The following MRGPRX1 variants were observed in gnomAD, a reference collection of about 807,000 sequenced individuals.
The protein encoded by MRGPRX1 is mas-related G protein-coupled receptor member X1.
For synonymous variants in MRGPRX1, 208 were observed against 170.4 expected (o/e 1.22, Z -1.72); for missense variants, 411 against 393.8 (o/e 1.04, Z -0.37).
intron 1 of MRGPRX1, among the ~76,000 whole-genome samples, chr11:18,938,649 C>T (rs1285365147): frequency 6.6e-6 from 1 of 151,510 alleles, no homozygotes. Context: ...AAGGCTTCTC[C>T]ACCTGCCTGC....
At position 18,934,572 on chromosome 11, in the gene MRGPRX1, T is replaced by C. The variant is rs751093103; in HGVS notation, c.213A>G (p.Ala71=). 26 of 1,609,762 alleles carry C rather than the reference T, an allele frequency of 1.6e-5. No homozygotes were observed. In the South Asian group the frequency reaches 2.6e-4, roughly 16 times the overall value. Residue 71 remains alanine, a synonymous_variant, in exon 2 of 2, where the codon GCA becomes GCG. Transcript: ENST00000526914. ...FSIYILNLAA[A]DFLFLSGRLI... The stretch of plus-strand genomic sequence containing the variant: ...GGCGGCCGCTGAGGAAGAGGAAGTC[T>C]GCTGCGGCCAAGTTGAGGATGTAGA...
rs1402292602 is a variant in MRGPRX1 at position 18,933,777 on chromosome 11, T to C, written c.*39A>G. 6.4e-7 allele frequency: 1 copy of C among 1,564,284 alleles called. No individual in the cohort carries two copies. Among genetic ancestry groups the C allele is most frequent in the Admixed American group, 1.9e-5 (1 of 52,170 alleles). ...ATTGTCAAGGGTGGCAGGGCAGTGT[T>C]GCTCTCAAAGTCCTGTCTGACAGGG... is the stretch of plus-strand genomic sequence containing the variant. On this transcript the variant is annotated 3_prime_UTR_variant, in exon 2 of 2. Transcript: ENST00000526914.
chr11:18,934,763 A>G lies in MRGPRX1; in HGVS notation c.22T>C (p.Leu8=), dbSNP rs766744534. 3.2e-5 allele frequency: 50 copies of G among 1,587,126 alleles called. 1 individual carries two copies. Among genetic ancestry groups the G allele is most frequent in the Admixed American group, 1.1e-4 (6 of 56,516 alleles). MDPTIST[L]DTELTPINGT... ...TTGATTGGTGTCAGTTCTGTGTCCA[A>G]GGTTGAGATGGTTGGATCCATGCTC... is the stretch of plus-strand genomic sequence containing the variant. The change falls in exon 2 of 2, where the codon TTG becomes CTG. Residue 8 remains leucine (L), a synonymous_variant. Coordinates refer to ENST00000526914, the MANE Select transcript of MRGPRX1 (RefSeq NM_001393578.1).
In MRGPRX1 at chr11:18,934,758, G is replaced by A. The variant is rs773740781; in HGVS notation, c.27C>T (p.Asp9=). ...TTCCGTTGATTGGTGTCAGTTCTGT[G>A]TCCAAGGTTGAGATGGTTGGATCCA... MDPTISTL[D]TELTPINGTE... The change falls in exon 2 of 2, where the codon GAC becomes GAT. Residue 9 remains aspartate (D), a synonymous_variant. Coordinates refer to ENST00000526914, the MANE Select transcript of MRGPRX1 (RefSeq NM_001393578.1). 27 of 1,590,000 alleles carry A rather than the reference G, an allele frequency of 1.7e-5. No homozygotes were observed. The highest frequency in any genetic ancestry group is 2.1e-5 in the Non-Finnish European group (25 of 1,167,448).
rs191583231 is a variant in MRGPRX1, at chr11:18,936,530, G to A, written c.-25-1721C>T. 3.1e-3 allele frequency among the ~76,000 whole-genome samples: 475 copies of A among 151,370 alleles called. 9 individuals carry two copies. The highest frequency in any genetic ancestry group is 0.011 in the African/African-American group (462 of 41,326). On this transcript the variant is annotated intron_variant, in intron 1 of 1. Transcript: ENST00000526914. ...GATTACAGAGGAGCATCAGGAGTGA[G>A]TGCATCCATCATGAGCTCTCTTAGA...
rs778583110 is a variant in MRGPRX1 at position 18,934,419 on chromosome 11, C to T, written c.366G>A (p.Leu122=). 9.3e-6 allele frequency: 15 copies of T among 1,610,658 alleles called. No individual in the cohort carries two copies. The highest frequency in any genetic ancestry group is 1.2e-5 in the Non-Finnish European group (14 of 1,178,150). The change falls in exon 2 of 2, where the codon CTG becomes CTA. Residue 122 remains leucine (L), a synonymous_variant. Transcript: ENST00000526914. ...FLSAVSTERC[L]SVLWPIWYRC... ...GGTACCAGATGGGCCACAGGACGGACAGGCAGCGCTCGGTGCTCACGGCAC... is the reference window on the plus strand; with the variant it reads ...GGTACCAGATGGGCCACAGGACGGATAGGCAGCGCTCGGTGCTCACGGCAC...
rs76339516 is a variant in MRGPRX1, at chr11:18,937,892, G to A, written c.-26+1388C>T. Among the ~76,000 whole-genome samples the A allele has an allele frequency of 1.0e-3, 156 of 151,664 alleles. 4 individuals carry two copies. Among genetic ancestry groups the A allele is most frequent in the Non-Finnish European group, 1.5e-3 (101 of 67,806 alleles). On this transcript the variant is annotated intron_variant, in intron 1 of 1. Transcript: ENST00000526914. ...AAGTGACAGTAGAGAAAGACATGCCGAACATTAAAGTAGTCTGAAAGAGCT... is the reference window on the plus strand; with the variant it reads ...AAGTGACAGTAGAGAAAGACATGCCAAACATTAAAGTAGTCTGAAAGAGCT...
chr11:18,933,750 T>C lies in MRGPRX1; in HGVS notation c.*66A>G. 2 of 1,526,146 alleles carry C rather than the reference T, an allele frequency of 1.3e-6. No individual in the cohort carries two copies. The highest frequency in any genetic ancestry group is 1.8e-6 in the Non-Finnish European group (2 of 1,138,834). The allele number at this position is 1,526,146 out of a possible 1,614,324, so 94.5% of individuals were successfully genotyped here. A position where few individuals can be genotyped will look rare whatever the true frequency, so the allele number is the denominator to read the frequency against. On this transcript the variant is annotated 3_prime_UTR_variant, in exon 2 of 2. Transcript: ENST00000526914. ...GGCAGAAGGCTAAGAAAAACGCATA[T>C]AATTGTCAAGGGTGGCAGGGCAGTG...
chr11:18,935,904 C>T (rs532471155), intron 1 of MRGPRX1, among the ~76,000 whole-genome samples: 24 of 151,292 alleles, frequency 1.6e-4, no homozygotes, highest in Non-Finnish European at 2.7e-4. Flanking sequence ...GTCCATGAGG[C>T]GAAATAGGAG....
intron 1 of MRGPRX1, among the ~76,000 whole-genome samples, chr11:18,937,336 T>C (rs1848849064): frequency 6.6e-6 from 1 of 151,390 alleles, no homozygotes; most frequent in East Asian, 1.9e-4. Flanking sequence ...CCTTGGAGCT[T>C]CCCGCACTGA....
chr11:18,936,298 G>GAA (rs370789004), intron 1 of MRGPRX1, among the ~76,000 whole-genome samples: 10 of 136,802 alleles, frequency 7.3e-5, no homozygotes, highest in African/African-American at 1.1e-4. Flanking sequence ...ATTGTGGGTT[G>GAA]AAAAAAAAAA....
chr11:18,933,690 T>A lies in MRGPRX1; in HGVS notation c.*126A>T, dbSNP rs1848808832. The A allele has an allele frequency of 2.8e-6, 4 of 1,454,350 alleles. No homozygotes were observed. The highest frequency in any genetic ancestry group is 3.7e-6 in the Non-Finnish European group (4 of 1,082,648). 90.1% of individuals were successfully genotyped at this position (1,454,350 alleles called of 1,614,324 possible). On this transcript the variant is annotated 3_prime_UTR_variant, in exon 2 of 2. Coordinates refer to ENST00000526914, the MANE Select transcript of MRGPRX1 (RefSeq NM_001393578.1). The stretch of plus-strand genomic sequence containing the variant: ...ACTGTCAGGTTAGATAAACATCTAT[T>A]TGAAGACCTTGAGGAACCACTGAGA...
At position 18,934,575 on chromosome 11, in the gene MRGPRX1, T is replaced by G. The variant is rs781750794; in HGVS notation, c.210A>C (p.Ala70=). 6.8e-6 allele frequency: 11 copies of G among 1,609,630 alleles called. No individual in the cohort carries two copies. The African/African-American group carries it at 1.2e-4, about 18-fold the overall frequency. The change falls in exon 2 of 2, where the codon GCA becomes GCC. Residue 70 remains alanine, a synonymous_variant. Coordinates refer to ENST00000526914, the MANE Select transcript of MRGPRX1 (RefSeq NM_001393578.1). ...GGCCGCTGAGGAAGAGGAAGTCTGC[T>G]GCGGCCAAGTTGAGGATGTAGATGG... ...AFSIYILNLA[A]ADFLFLSGRL... is the part of the protein sequence containing the mutation.
intron 1 of MRGPRX1, 78 bp downstream of exon 1, chr11:18,939,202 G>A (rs1848863204): frequency 6.6e-6 from 1 of 151,642 alleles, no homozygotes; most frequent in South Asian, 2.1e-4. Flanking sequence ...CCTGCCTGTA[G>A]CACCTAGGTG....
rs774285326 is a variant in MRGPRX1, at chr11:18,934,666, A to G, written c.119T>C (p.Val40Ala). ...CACAACTGCGTTTCCTGTCAGCCCG[A>G]CAAGGGAAACGATGCACGTCAGCAC... is the stretch of plus-strand genomic sequence containing the variant. ...LTVLTCIVSLVGLTGNAVVLW... is the reference protein window; with the variant it reads ...LTVLTCIVSLAGLTGNAVVLW... The change falls in exon 2 of 2, where the codon GTC becomes GCC. Residue 40 changes from valine (V) to alanine (A), a missense_variant. Val to Ala is a moderately conservative substitution (Grantham distance 64). Coordinates refer to ENST00000526914, the MANE Select transcript of MRGPRX1 (RefSeq NM_001393578.1). The G allele has an allele frequency of 1.2e-6, 2 of 1,610,820 alleles. No homozygotes were observed. Among genetic ancestry groups the G allele is most frequent in the Middle Eastern group, 1.7e-4 (1 of 6,048 alleles).
At position 18,935,344 on chromosome 11, in the gene MRGPRX1, T is replaced by C. The variant is rs913291428; in HGVS notation, c.-25-535A>G. Reference sequence around the variant, plus strand: ...CACATTTTACATTTTATACTCCTAGTGCCTATTCCATAAGCAGCACACTGT... The same window carrying C: ...CACATTTTACATTTTATACTCCTAGCGCCTATTCCATAAGCAGCACACTGT... On this transcript the variant is annotated intron_variant, in intron 1 of 1. Transcript: ENST00000526914. 1.1e-4 allele frequency: 17 copies of C among 152,880 alleles called. 1 individual carries two copies. The highest frequency in any genetic ancestry group is 4.1e-4 in the African/African-American group (17 of 41,466). The allele number at this position is 152,880 out of a possible 1,614,324, so 9.5% of individuals were successfully genotyped here.
rs569981392 is a variant in MRGPRX1, at chr11:18,939,357, A to G, written c.-103T>C. Reference sequence around the variant, plus strand: ...TGGAGGGCCTTTCTGGGATTCAGTGACTTCAGAGAACCCTTCTGTGTTGCT... The same window carrying G: ...TGGAGGGCCTTTCTGGGATTCAGTGGCTTCAGAGAACCCTTCTGTGTTGCT... On this transcript the variant is annotated 5_prime_UTR_variant, in exon 1 of 2. Coordinates refer to ENST00000526914, the MANE Select transcript of MRGPRX1 (RefSeq NM_001393578.1). 6.6e-6 allele frequency: 1 copy of G among 151,902 alleles called. No individual in the cohort carries two copies. Among genetic ancestry groups the G allele is most frequent in the South Asian group, 2.1e-4 (1 of 4,772 alleles). 9.4% of individuals were successfully genotyped at this position (151,902 alleles called of 1,614,324 possible). A position where few individuals can be genotyped will look rare whatever the true frequency, so the allele number is the denominator to read the frequency against.
intron 1 of MRGPRX1, chr11:18,935,053 C>A: frequency 2.4e-6 from 1 of 409,230 alleles, no homozygotes; most frequent in East Asian, 4.7e-5. Flanking sequence ...ACATTAGGAT[C>A]AAAACACCCC....
intron 1 of MRGPRX1, among the ~76,000 whole-genome samples, chr11:18,936,238 G>A (rs937592314): frequency 4.0e-5 from 6 of 150,992 alleles, no homozygotes; most frequent in South Asian, 2.1e-4. Context: ...ATGTTAGAGC[G>A]GGTAAAGGAG....
Sources: gnomAD v4.1 joint callset for allele counts (sites outside exome capture counted in the v4.1 genomes callset) on GRCh38, gnomAD v4.1.1 for gene constraint, MANE v1.5 for transcripts, NCBI Gene and HGNC (gene_info 2026-07-23, HGNC 2026-07-21) for gene names.